The following FAF1 variants were observed in gnomAD, a reference collection of about 807,000 sequenced individuals.
FAF1 encodes the protein Fas associated factor 1.
Under a neutral mutation model 92.5 loss-of-function variants are expected in FAF1, and 25 were observed. The ratio of observed to expected loss-of-function variants is 0.27; its 90% CI spans 0.20 to 0.38. FAF1 has a LOEUF of 0.38. FAF1 is among the 10% of genes least tolerant of loss of function. The pLI is 1.00. For missense variants in FAF1, 636 were observed against 793.3 expected, an observed-to-expected ratio of 0.80 and a Z score of 2.38; for synonymous variants, 234 against 273.2, an observed-to-expected ratio of 0.86 and a Z score of 1.42.
At chr1:50,578,744 C>A (rs960693331) in intron 12 of FAF1, among the ~76,000 whole-genome samples, 10 of 152,068 alleles carry the variant, frequency 6.6e-5, no homozygotes, top group Non-Finnish European at 5.9e-5. Flanking sequence ...CAGAGCATCA[C>A]AGAATTCTGA....
chr1:50,849,429 T>C (rs764567297), intron 2 of FAF1, among the ~76,000 whole-genome samples: 3 of 152,148 alleles, frequency 2.0e-5, no homozygotes, highest in Non-Finnish European at 4.4e-5. Context: ...TTAGATATCC[T>C]TGCATTCTAA....
chr1:50,846,437 G>C, intron 2 of FAF1: 1 of 402,992 alleles, frequency 2.5e-6, no homozygotes, highest in South Asian at 1.9e-5. Flanking sequence ...GAACCAGCTC[G>C]CTTCCGAGCC....
intron 7 of FAF1, among the ~76,000 whole-genome samples, chr1:50,679,641 T>A (rs1656336145): frequency 6.6e-6 from 1 of 152,210 alleles, no homozygotes; most frequent in Admixed American, 6.5e-5. Flanking sequence ...TCATCTTTCA[T>A]TCCCCTGAAT....
At chr1:50,857,526 T>C (rs1442414708) in intron 2 of FAF1, among the ~76,000 whole-genome samples, 1 of 151,786 alleles carries the variant, frequency 6.6e-6, no homozygotes. Context: ...AGGAAAACCA[T>C]AGCAGAATGC....
At chr1:50,703,896 T>A (rs539128214) in intron 7 of FAF1, among the ~76,000 whole-genome samples, 1 of 152,218 alleles carries the variant, frequency 6.6e-6, no homozygotes, top group Non-Finnish European at 1.5e-5. Flanking sequence ...TGTGAGCAGA[T>A]TGCATTAACG....
intron 7 of FAF1, among the ~76,000 whole-genome samples, chr1:50,657,301 G>A (rs1186056770): frequency 1.3e-5 from 2 of 150,852 alleles, no homozygotes; most frequent in African/African-American, 4.9e-5. Context: ...TAATAATGGA[G>A]AGATTATCCA....
At chr1:50,447,724 C>T (rs539037814) in intron 18 of FAF1, among the ~76,000 whole-genome samples, 1 of 152,318 alleles carries the variant, frequency 6.6e-6, no homozygotes, top group South Asian at 2.1e-4. Context: ...ACGCCAATGT[C>T]AAGGACAAGC....
intron 1 of FAF1, among the ~76,000 whole-genome samples, chr1:50,905,344 CAT>C (rs1200531238): frequency 1.3e-5 from 2 of 152,190 alleles, no homozygotes; most frequent in East Asian, 1.9e-4. Context: ...CCGCAATAAA[CAT>C]GTGTGCATGT....
chr1:50,575,306 C>T (rs1267676567), intron 12 of FAF1, among the ~76,000 whole-genome samples: 1 of 152,098 alleles, frequency 6.6e-6, no homozygotes, highest in African/African-American at 2.4e-5. Flanking sequence ...TTAGGCAGAT[C>T]TGATAATTGG....
intron 2 of FAF1, among the ~76,000 whole-genome samples, chr1:50,802,945 GAAAT>G (rs1179675785): frequency 1.3e-5 from 2 of 152,176 alleles, no homozygotes; most frequent in Non-Finnish European, 2.9e-5. Flanking sequence ...CTGTTGAATG[GAAAT>G]AAATAGAGTG....
intron 1 of FAF1, among the ~76,000 whole-genome samples, chr1:50,865,289 A>C (rs1342757171): frequency 6.6e-6 from 1 of 152,028 alleles, no homozygotes; most frequent in Non-Finnish European, 1.5e-5. Context: ...GCGATTCCTC[A>C]GGGATCTAGA....
chr1:50,929,928 C>T (rs1317762706), intron 1 of FAF1, among the ~76,000 whole-genome samples: 2 of 152,174 alleles, frequency 1.3e-5, no homozygotes, highest in African/African-American at 4.8e-5. Context: ...TTACAGTCTA[C>T]AACTCTTAAA....
chr1:50,711,439 T>C (rs912532115), intron 6 of FAF1, among the ~76,000 whole-genome samples: 3 of 151,768 alleles, frequency 2.0e-5, no homozygotes, highest in African/African-American at 7.3e-5. Context: ...AACTGTATAT[T>C]GTGCCTAATG....
chr1:50,595,801 C>A (rs1312875155), intron 9 of FAF1, among the ~76,000 whole-genome samples: 1 of 151,852 alleles, frequency 6.6e-6, no homozygotes, highest in African/African-American at 2.4e-5. Context: ...TCTCGGCCAT[C>A]CAAAGTGCTG....
intron 4 of FAF1, among the ~76,000 whole-genome samples, chr1:50,754,036 G>A (rs1250893477): frequency 6.6e-6 from 1 of 152,192 alleles, no homozygotes; most frequent in South Asian, 2.1e-4. Flanking sequence ...GATTACAGAC[G>A]TGAACCACTG....
Position 50,475,512 on chromosome 1 carries a change from T to C in FAF1, c.1821A>G (p.Gly607=), listed in dbSNP as rs1646627687. 3.1e-6 allele frequency: 5 copies of C among 1,614,098 alleles called. No individual in the cohort carries two copies. In the East Asian group the frequency reaches 1.1e-4, roughly 36 times the overall value. The change falls in exon 18 of 19, where the codon GGA becomes GGG. Residue 607 remains glycine (G), a synonymous_variant. Coordinates refer to ENST00000396153, the MANE Select transcript of FAF1 (RefSeq NM_007051.3). ...GTAACTTGTACTCATCCCATGGAAA[T>C]CCTTTGGAAGCTACAAAATCAAAGA... The part of the protein sequence containing the change: ...QIVFDFVASK[G]FPWDEYKLLS...
At chr1:50,595,494 G>T (rs1332840251) in intron 9 of FAF1, among the ~76,000 whole-genome samples, 1 of 152,022 alleles carries the variant, frequency 6.6e-6, no homozygotes, top group Non-Finnish European at 1.5e-5. Context: ...GGACTTCCGG[G>T]GTCAATCCTA....
In FAF1 at chr1:50,490,668, G is replaced by A. The variant is rs539895531; in HGVS notation, c.1576-3C>T. On this transcript the variant is annotated splice_region_variant and splice_polypyrimidine_tract_variant and intron_variant, in intron 16 of 18. Transcript: ENST00000396153. ...ATCTCTCTCTCGTGAGCTTCCCTCT[G>A]TTGATAAAACAGAAAAGGAACAAGC... The A allele has an allele frequency of 1.3e-6, 2 of 1,599,014 alleles. No individual in the cohort carries two copies. The highest frequency in any genetic ancestry group is 2.7e-5 in the African/African-American group (2 of 74,676).
chr1:50,518,816 A>G (rs1214930529), intron 15 of FAF1, among the ~76,000 whole-genome samples: 1 of 152,130 alleles, frequency 6.6e-6, no homozygotes, highest in East Asian at 1.9e-4. Flanking sequence ...CATAAGTTAA[A>G]TCTATGTTTA....
Sources: allele counts gnomAD v4.1 joint callset (sites outside exome capture counted in the v4.1 genomes callset), GRCh38; gene constraint gnomAD v4.1.1; transcripts MANE v1.5; gene names NCBI Gene and HGNC (gene_info 2026-07-23, HGNC 2026-07-21).